SMIM36: variants seen among roughly 807,000 people sequenced by gnomAD.
The protein encoded by SMIM36 is small integral membrane protein 36.
At chr17:55,459,290 C>T (rs1019720807) in intron 4 of SMIM36, among the ~76,000 whole-genome samples, 1 of 152,142 alleles carries the variant, frequency 6.6e-6, no homozygotes, top group South Asian at 2.1e-4. Context: ...CTCTAGGTGA[C>T]CTGGGCTTGA....
chr17:55,484,595 T>G (rs1222713190), intron 1 of SMIM36, among the ~76,000 whole-genome samples: 1 of 152,212 alleles, frequency 6.6e-6, no homozygotes, highest in African/African-American at 2.4e-5. Flanking sequence ...GGAAGAATTC[T>G]TATCAAAAAA....
At chr17:55,468,648 T>G (rs567785876) in intron 3 of SMIM36, among the ~76,000 whole-genome samples, 10 of 152,140 alleles carry the variant, frequency 6.6e-5, no homozygotes, top group African/African-American at 2.4e-4. Context: ...TCACCCACAT[T>G]ACAGCCTAGG....
chr17:55,486,973 A>T (rs1398370549), intron 1 of SMIM36, among the ~76,000 whole-genome samples: 1 of 152,204 alleles, frequency 6.6e-6, no homozygotes, highest in Non-Finnish European at 1.5e-5. Context: ...AGCGCAGACC[A>T]TGTGCTGGGC....
At chr17:55,509,625 C>T (rs185611322) in intron 1 of SMIM36, among the ~76,000 whole-genome samples, 38 of 152,172 alleles carry the variant, frequency 2.5e-4, no homozygotes, top group African/African-American at 6.7e-4. Context: ...TTCTGTTGGG[C>T]GGCAAAGATC....
intron 1 of SMIM36, among the ~76,000 whole-genome samples, chr17:55,493,202 G>A (rs142039730): frequency 1.3e-5 from 2 of 152,308 alleles, no homozygotes; most frequent in African/African-American, 4.8e-5. Context: ...GGAAATGAGA[G>A]GAAAGATCAG....
intron 1 of SMIM36, among the ~76,000 whole-genome samples, chr17:55,508,489 T>C (rs1910123599): frequency 1.4e-5 from 2 of 144,926 alleles, no homozygotes; most frequent in South Asian, 2.2e-4. Flanking sequence ...CTTTTCTTAA[T>C]GTGAGCTTCA....
chr17:55,478,796 G>A (rs1006005139), exon 3 of SMIM36: 15 of 152,072 alleles, frequency 9.9e-5, no homozygotes, highest in African/African-American at 2.9e-4. Flanking sequence ...AGACACCTTT[G>A]TGGAGCTCCT....
the SMIM36 span, among the ~76,000 whole-genome samples, chr17:55,529,817 A>G: frequency 6.6e-6 from 1 of 152,150 alleles, no homozygotes; most frequent in Non-Finnish European, 1.5e-5. Flanking sequence ...AAAACAAAAC[A>G]AACACATTTT....
intron 3 of SMIM36, among the ~76,000 whole-genome samples, chr17:55,476,069 A>T (rs2143267817): frequency 6.6e-6 from 1 of 152,292 alleles, no homozygotes; most frequent in South Asian, 2.1e-4. Flanking sequence ...TTAATATAAG[A>T]AGACAGGAAT....
chr17:55,469,497 G>T (rs1336848459), intron 3 of SMIM36, among the ~76,000 whole-genome samples: 1 of 152,062 alleles, frequency 6.6e-6, no homozygotes, highest in East Asian at 1.9e-4. Flanking sequence ...TTATCACCCA[G>T]TCCACTCCTG....
chr17:55,508,313 G>T (rs1017569550), intron 1 of SMIM36, among the ~76,000 whole-genome samples: 1 of 151,470 alleles, frequency 6.6e-6, no homozygotes, highest in African/African-American at 2.4e-5. Flanking sequence ...CAATAAAAAG[G>T]TGTCAGTATT....
chr17:55,475,437 C>T (rs1483747568), intron 3 of SMIM36, among the ~76,000 whole-genome samples: 3 of 152,192 alleles, frequency 2.0e-5, no homozygotes, highest in Non-Finnish European at 4.4e-5. Flanking sequence ...TCTATCTTCA[C>T]CACACTGTCA....
At chr17:55,500,248 C>G (rs1410365268) in intron 1 of SMIM36, among the ~76,000 whole-genome samples, 1 of 152,040 alleles carries the variant, frequency 6.6e-6, no homozygotes, top group Non-Finnish European at 1.5e-5. Flanking sequence ...CCTTACCCTG[C>G]TGAGTAGCTG....
chr17:55,471,847 C>T (rs1471089613), intron 3 of SMIM36, among the ~76,000 whole-genome samples: 2 of 152,188 alleles, frequency 1.3e-5, no homozygotes, highest in African/African-American at 4.8e-5. Flanking sequence ...TCTGGGCTGG[C>T]CTCTGTGTCT....
intron 1 of SMIM36, among the ~76,000 whole-genome samples, chr17:55,492,242 C>CTTTTTTTTT (rs770501215): frequency 6.1e-4 from 68 of 111,286 alleles, no homozygotes; most frequent in Non-Finnish European, 8.9e-4. Context: ...TTCTTTCTTT[C>CTTTTTTTTT]TTTTTTTTTT....
At chr17:55,524,654 CA>C in the SMIM36 span, among the ~76,000 whole-genome samples, 1 of 152,092 alleles carries the variant, frequency 6.6e-6, no homozygotes, top group East Asian at 1.9e-4. Flanking sequence ...TTTTGATTTG[CA>C]TTTCTCTAGT....
chr17:55,475,218 C>A (rs112297593), intron 3 of SMIM36, among the ~76,000 whole-genome samples: 8 of 152,128 alleles, frequency 5.3e-5, no homozygotes, highest in African/African-American at 1.9e-4. Context: ...TTTACACTGC[C>A]GGTTTACACT....
chr17:55,499,278 T>C (rs1223987359), intron 1 of SMIM36, among the ~76,000 whole-genome samples: 5 of 152,166 alleles, frequency 3.3e-5, no homozygotes, highest in Non-Finnish European at 2.9e-5. Flanking sequence ...CATGCAATTC[T>C]AGCAGAGGAG....
chr17:55,478,104 A>C (rs1338039269), intron 3 of SMIM36, among the ~76,000 whole-genome samples: 1 of 151,982 alleles, frequency 6.6e-6, no homozygotes, highest in East Asian at 1.9e-4. Flanking sequence ...AACCACTTGA[A>C]TCTCAGAGGT....
Sources: allele counts gnomAD v4.1 joint callset (sites outside exome capture counted in the v4.1 genomes callset), GRCh38; gene constraint gnomAD v4.1.1; transcripts MANE v1.5; gene names NCBI Gene and HGNC (gene_info 2026-07-23, HGNC 2026-07-21).